DLG2: variants seen among roughly 807,000 people sequenced by gnomAD.
DLG2 encodes the protein discs large MAGUK scaffold protein 2.
In DLG2, 45 loss-of-function variants were observed where a neutral mutation model predicts 132.5. The ratio of observed to expected loss-of-function variants is 0.34; its 90% CI spans 0.27 to 0.44. The LOEUF is 0.44. Among genes scored for constraint, DLG2 ranks in the 20% least tolerant of loss-of-function variants. DLG2 has a pLI of 1.00. For synonymous variants in DLG2, 424 were observed against 419.6 expected (o/e 1.01, Z -0.13); for missense variants, 1,045 against 1,196.9 (o/e 0.87, Z 1.87).
chr11:84,503,171 G>A (rs913338543), intron 7 of DLG2, among the ~76,000 whole-genome samples: 5 of 152,250 alleles, frequency 3.3e-5, no homozygotes, highest in Admixed American at 2.0e-4. Flanking sequence ...AATTTCTTAT[G>A]GAATAAACCT....
At chr11:83,517,694 GT>G (rs1395424222) in intron 21 of DLG2, among the ~76,000 whole-genome samples, 1 of 152,152 alleles carries the variant, frequency 6.6e-6, no homozygotes, top group African/African-American at 2.4e-5. Context: ...TACAGATGGG[GT>G]TTTGGTGTGG....
intron 6 of DLG2, chr11:84,923,270 C>A (rs576549954): frequency 9.5e-5 from 141 of 1,491,114 alleles, no homozygotes; most frequent in Non-Finnish European, 1.2e-4. Context: ...GACTACAAAA[C>A]GACATGTCTT....
At chr11:85,215,577 T>G (rs2082533818) in intron 4 of DLG2, among the ~76,000 whole-genome samples, 1 of 152,138 alleles carries the variant, frequency 6.6e-6, no homozygotes, top group Non-Finnish European at 1.5e-5. Context: ...AGGAGACGAT[T>G]CTAGACTCTT....
At chr11:83,898,908 T>C (rs12276017) in intron 15 of DLG2, among the ~76,000 whole-genome samples, 14,670 of 152,254 alleles carry the variant, frequency 0.096, 843 homozygotes, top group Middle Eastern at 0.2. Context: ...ATAATATGGA[T>C]AATATTGTCC....
intron 11 of DLG2, among the ~76,000 whole-genome samples, chr11:83,995,599 A>T (rs1265427784): frequency 6.6e-6 from 1 of 152,196 alleles, no homozygotes; most frequent in Non-Finnish European, 1.5e-5. Flanking sequence ...AGTAACCAAA[A>T]CAGTATGATA....
intron 6 of DLG2, among the ~76,000 whole-genome samples, chr11:85,030,495 T>C (rs1373709565): frequency 6.6e-6 from 1 of 152,196 alleles, no homozygotes. Context: ...ACAGTAAGAG[T>C]ACAAGCAGTG....
At chr11:85,475,150 C>T (rs1338851073) in intron 3 of DLG2, among the ~76,000 whole-genome samples, 4 of 151,304 alleles carry the variant, frequency 2.6e-5, no homozygotes, top group Admixed American at 6.6e-5. Context: ...TAACCAAGTA[C>T]AATAAATACA....
chr11:84,778,227 A>G (rs558852696), intron 6 of DLG2, among the ~76,000 whole-genome samples: 3 of 152,104 alleles, frequency 2.0e-5, no homozygotes, highest in South Asian at 4.2e-4. Flanking sequence ...TTCCCAATGT[A>G]TGTTCTTGTC....
chr11:84,062,834 G>T (rs3905309), intron 10 of DLG2, among the ~76,000 whole-genome samples: 1 of 151,726 alleles, frequency 6.6e-6, no homozygotes, highest in African/African-American at 2.4e-5. Flanking sequence ...AACTAGGGCA[G>T]TCAACTTCCC....
At chr11:85,519,150 G>A (rs2094228346) in intron 3 of DLG2, among the ~76,000 whole-genome samples, 1 of 152,266 alleles carries the variant, frequency 6.6e-6, no homozygotes, top group Non-Finnish European at 1.5e-5. Context: ...CCCTACTGGG[G>A]CACTGCCTAA....
chr11:84,528,122 T>C (rs1404294252), intron 7 of DLG2, among the ~76,000 whole-genome samples: 1 of 152,208 alleles, frequency 6.6e-6, no homozygotes, highest in East Asian at 1.9e-4. Context: ...AGTGCTATAG[T>C]AGGCACTCAG....
chr11:85,053,389 GTCT>G (rs1229097618), intron 6 of DLG2, among the ~76,000 whole-genome samples: 20 of 152,166 alleles, frequency 1.3e-4, no homozygotes, highest in African/African-American at 4.8e-4. Context: ...TACCTTCCCT[GTCT>G]ACCACATAAG....
At chr11:85,013,058 GAGA>G (rs2059285454) in intron 6 of DLG2, among the ~76,000 whole-genome samples, 4 of 152,248 alleles carry the variant, frequency 2.6e-5, no homozygotes, top group Admixed American at 6.5e-5. Flanking sequence ...CCTGCCTTCA[GAGA>G]TAGTATTTAA....
At chr11:84,312,749 C>T (rs2098300552) in intron 7 of DLG2, among the ~76,000 whole-genome samples, 1 of 152,024 alleles carries the variant, frequency 6.6e-6, no homozygotes, top group Non-Finnish European at 1.5e-5. Flanking sequence ...CTGTAAGCTC[C>T]ACAGTAGTAG....
intron 7 of DLG2, among the ~76,000 whole-genome samples, chr11:84,516,012 A>T (rs952557987): frequency 4.7e-4 from 72 of 151,900 alleles, no homozygotes; most frequent in Non-Finnish European, 5.9e-4. Context: ...AAATTAAAAT[A>T]AAAATTAAAA....
rs574706890 is a variant in DLG2 at position 83,678,162 on chromosome 11, G to A, written c.1826-44837C>T. On this transcript the variant is annotated intron_variant, in intron 18 of 27. Transcript: ENST00000376104. Reference sequence around the variant, plus strand: ...AGACTATGCCCTCTGAACTAGAAAAGCCAATGTCTTCCCTTGAACCTGAGA... The same window carrying A: ...AGACTATGCCCTCTGAACTAGAAAAACCAATGTCTTCCCTTGAACCTGAGA... Among the ~76,000 whole-genome samples the A allele has an allele frequency of 7.2e-5, 11 of 152,232 alleles. No individual in the cohort carries two copies. In the South Asian group the frequency reaches 2.3e-3, roughly 32 times the overall value.
chr11:83,637,728 T>G (rs971799001), intron 18 of DLG2, among the ~76,000 whole-genome samples: 7 of 152,298 alleles, frequency 4.6e-5, no homozygotes, highest in African/African-American at 1.7e-4. Flanking sequence ...CTTCTTCCCT[T>G]CATCTATTGT....
chr11:84,770,341 T>C (rs565785445), intron 6 of DLG2, among the ~76,000 whole-genome samples: 6 of 152,278 alleles, frequency 3.9e-5, no homozygotes, highest in East Asian at 3.9e-4. Flanking sequence ...CAGGGGTACA[T>C]GTGCAGGTTT....
chr11:84,657,602 C>A (rs571597921), intron 6 of DLG2, among the ~76,000 whole-genome samples: 1 of 152,208 alleles, frequency 6.6e-6, no homozygotes, highest in African/African-American at 2.4e-5. Flanking sequence ...ATAAGAAGTA[C>A]ACAACCTAGA....
Sources: gnomAD v4.1 joint callset for allele counts (sites outside exome capture counted in the v4.1 genomes callset) on GRCh38, gnomAD v4.1.1 for gene constraint, MANE v1.5 for transcripts, NCBI Gene and HGNC (gene_info 2026-07-23, HGNC 2026-07-21) for gene names.